Variants in TRIM54 observed in about 807,000 individuals in gnomAD.
The protein encoded by TRIM54 is tripartite motif-containing protein 54.
TRIM54 carries 40 observed loss-of-function variants against 42.0 expected under a neutral mutation model. That is an observed-to-expected ratio of 0.95 (90% CI 0.74 to 1.24). TRIM54 has a LOEUF of 1.24. TRIM54 is among the 50% of genes most tolerant of loss of function. TRIM54 has a pLI of 0.00. For synonymous variants in TRIM54, 199 were observed against 194.9 expected, an observed-to-expected ratio of 1.02 and a Z score of -0.17; for missense variants, 485 against 480.3, an observed-to-expected ratio of 1.01 and a Z score of -0.09.
intron 1 of TRIM54, 137 bp from the exon 2 acceptor site, chr2:27,298,430 T>A: frequency 1.5e-6 from 1 of 663,236 alleles, no homozygotes; most frequent in Non-Finnish European, 2.6e-6. Context: ...CAGAGGTGGA[T>A]CCAGCCACAG....
In TRIM54 at chr2:27,305,650, G is replaced by A; in HGVS notation, c.676G>A (p.Glu226Lys). Residue 226 changes from glutamate to lysine, a missense_variant, in exon 5 of 9, where the codon GAG becomes AAG. Glu to Lys is a moderately conservative substitution (Grantham distance 56). Coordinates refer to ENST00000380075, the MANE Select transcript of TRIM54 (RefSeq NM_187841.3). ...RFESLCAVLE[E>K]RKGELLQALA... ...TGAGAGCCTGTGCGCAGTGCTGGAG[G>A]AGCGCAAGGGTGAGCTGCTGCAGGC... 1 of 1,613,756 alleles carries A rather than the reference G, an allele frequency of 6.2e-7. No individual in the cohort carries two copies. The highest frequency in any genetic ancestry group is 8.5e-7 in the Non-Finnish European group (1 of 1,179,950).
At chr2:27,287,215 A>AT (rs1247940845) in intron 1 of TRIM54, among the ~76,000 whole-genome samples, 2 of 151,664 alleles carry the variant, frequency 1.3e-5, no homozygotes, top group Non-Finnish European at 2.9e-5. Context: ...TTCTTTCTTT[A>AT]TTTTTGAGAC....
intron 2 of TRIM54, 141 bp from the exon 3 acceptor site, chr2:27,299,104 C>T: frequency 1.1e-6 from 1 of 915,546 alleles, no homozygotes; most frequent in Non-Finnish European, 1.6e-6. Context: ...ATTCAGAGCT[C>T]TGTGGAAGTA....
At chr2:27,294,223 G>A (rs996657329) in intron 1 of TRIM54, among the ~76,000 whole-genome samples, 2 of 151,846 alleles carry the variant, frequency 1.3e-5, no homozygotes, top group African/African-American at 4.8e-5. Context: ...TGACTTCCTG[G>A]GCTCAAGTGA....
chr2:27,293,617 T>C (rs771634427), intron 1 of TRIM54, among the ~76,000 whole-genome samples: 1 of 152,232 alleles, frequency 6.6e-6, no homozygotes, highest in Non-Finnish European at 1.5e-5. Context: ...TTTGCTTAAA[T>C]AGCTTTAGTC....
At chr2:27,290,047 T>G (rs2148191142) in intron 1 of TRIM54, among the ~76,000 whole-genome samples, 1 of 151,676 alleles carries the variant, frequency 6.6e-6, no homozygotes, top group East Asian at 1.9e-4. Context: ...AATTTTTGTA[T>G]TTTTAGTAGA....
rs1028628929 is a variant in TRIM54 at position 27,306,910 on chromosome 2, C to T, written c.*25C>T. 3.1e-5 allele frequency: 10 copies of T among 322,630 alleles called. No homozygotes were observed. The highest frequency in any genetic ancestry group is 5.8e-5 in the Non-Finnish European group (10 of 173,808). The allele number at this position is 322,630 out of a possible 1,614,324, so 20.0% of individuals were successfully genotyped here. A position where few individuals can be genotyped will look rare whatever the true frequency, so the allele number is the denominator to read the frequency against. Reference sequence around the variant, plus strand: ...AGGCCTGCGCCGACCCGACCCTGCTCGAGAGCCCGCGCTAGAGTCGGGGAG... The same window carrying T: ...AGGCCTGCGCCGACCCGACCCTGCTTGAGAGCCCGCGCTAGAGTCGGGGAG... On this transcript the variant is annotated 3_prime_UTR_variant, in exon 9 of 9. Transcript: ENST00000380075. The surrounding 1 kb of genome is among the most constrained non-coding windows in gnomAD (Gnocchi z 6.1).
intron 1 of TRIM54, among the ~76,000 whole-genome samples, chr2:27,290,420 C>G (rs1297671480): frequency 6.6e-6 from 1 of 152,144 alleles, no homozygotes; most frequent in Non-Finnish European, 1.5e-5. Context: ...GTAATCCCAG[C>G]ACTATGGGAG....
At chr2:27,296,215 G>A (rs1347714699) in intron 1 of TRIM54, among the ~76,000 whole-genome samples, 1 of 152,210 alleles carries the variant, frequency 6.6e-6, no homozygotes, top group Non-Finnish European at 1.5e-5. Flanking sequence ...ATGATGGGGT[G>A]TTGCTGCACA....
At position 27,306,757 on chromosome 2, in the gene TRIM54, G is replaced by A; in HGVS notation, c.*2-130G>A. On this transcript the variant is annotated intron_variant, in intron 8 of 8. Transcript: ENST00000380075. The surrounding 1 kb of genome is among the most constrained non-coding windows in gnomAD (Gnocchi z 6.1). ...CCTCCTCACCCGCTGTTCCTCTGGG[G>A]TGCTGGGAGGGCAGGCAAGGCAGGC... 1.7e-6 allele frequency: 1 copy of A among 602,600 alleles called. No homozygotes were observed. The highest frequency in any genetic ancestry group is 2.1e-5 in the South Asian group (1 of 48,034). The allele number at this position is 602,600 out of a possible 1,614,324, so 37.3% of individuals were successfully genotyped here. A position where few individuals can be genotyped will look rare whatever the true frequency, so the allele number is the denominator to read the frequency against.
rs1679258252 is a variant in TRIM54, at chr2:27,307,422, A to C, written c.*537A>C. On this transcript the variant is annotated 3_prime_UTR_variant, in exon 9 of 9. Coordinates refer to ENST00000380075, the MANE Select transcript of TRIM54 (RefSeq NM_187841.3). The surrounding 1 kb of genome is among the most constrained non-coding windows in gnomAD (Gnocchi z 6.9). ...AACGGGTCTTCAGTACTTTTATTAAAAAATAGTCACGCAGACAGTGCCCTG... is the reference window on the plus strand; with the variant it reads ...AACGGGTCTTCAGTACTTTTATTAACAAATAGTCACGCAGACAGTGCCCTG... 2.0e-6 allele frequency: 3 copies of C among 1,537,152 alleles called. No homozygotes were observed. In the South Asian group the frequency reaches 3.6e-5, roughly 19 times the overall value.
rs763284454 is a variant in TRIM54, at chr2:27,304,981, C to A, written c.536C>A (p.Ala179Glu). The change falls in exon 4 of 9, where the codon GCG becomes GAG. Residue 179 changes from alanine (A) to glutamate (E), a missense_variant. Physicochemically the swap from Ala to Glu is moderately radical, Grantham distance 107. Coordinates refer to ENST00000380075, the MANE Select transcript of TRIM54 (RefSeq NM_187841.3). The part of the protein sequence containing the change: ...RQKSELSDGI[A>E]MLVAGNDRVQ... ...CAGAGTGAGCTCAGCGATGGCATCG[C>A]GATGCTGGTGGCAGGCAATGACCGC... 11 of 1,613,934 alleles carry A rather than the reference C, an allele frequency of 6.8e-6. No homozygotes were observed. Among genetic ancestry groups the A allele is most frequent in the African/African-American group, 5.3e-5 (4 of 74,904 alleles).
chr2:27,290,033 G>A (rs1292406623), intron 1 of TRIM54, among the ~76,000 whole-genome samples: 1 of 151,442 alleles, frequency 6.6e-6, no homozygotes. Flanking sequence ...TACCATGCCT[G>A]GCTAATTTTT....
intron 4 of TRIM54, 56 bp from the exon 5 acceptor site, chr2:27,305,517 ACCCTGTGCTTT>A: frequency 7.4e-7 from 1 of 1,354,166 alleles, no homozygotes; most frequent in East Asian, 2.4e-5. Context: ...CTCTGTGAGT[ACCCTGTGCTTT>A]CCCAGCCACC....
intron 3 of TRIM54, among the ~76,000 whole-genome samples, chr2:27,304,073 G>T (rs1018094391): frequency 6.6e-6 from 1 of 151,754 alleles, no homozygotes; most frequent in African/African-American, 2.4e-5. Flanking sequence ...TTAGCCGGAC[G>T]TGGTGTCATG....
At chr2:27,283,036 C>G (rs1572514038) in intron 1 of TRIM54, 137 bp downstream of exon 1, 1 of 1,000,758 alleles carries the variant, frequency 1.0e-6, no homozygotes, top group Non-Finnish European at 1.4e-6. Flanking sequence ...GGCTGGAGAG[C>G]AGAAGGGCTG....
intron 3 of TRIM54, 36 bp from the exon 4 acceptor site, chr2:27,304,923 G>A: frequency 6.2e-7 from 1 of 1,600,046 alleles, no homozygotes; most frequent in Non-Finnish European, 8.5e-7. Flanking sequence ...TCTAGGCCAG[G>A]TCCCAGCTCT....
chr2:27,299,686 A>ATCTG (rs1266177967), intron 3 of TRIM54: 1 of 606,108 alleles, frequency 1.6e-6, no homozygotes, highest in East Asian at 3.0e-5. Context: ...CTATCTATCT[A>ATCTG]TCTATCTATC....
Position 27,282,726 on chromosome 2 carries a change from G to C in TRIM54, c.-6G>C, listed in dbSNP as rs368385313. ...AGGGCCCAGGCCAGGCACGACCACC[G>C]AGGGGATGAACTTCACAGTGGGTTT... On this transcript the variant is annotated 5_prime_UTR_variant, in exon 1 of 9. Transcript: ENST00000380075. The C allele has an allele frequency of 6.2e-7, 1 of 1,609,784 alleles. No individual in the cohort carries two copies. Among genetic ancestry groups the C allele is most frequent in the East Asian group, 2.2e-5 (1 of 44,658 alleles).
Sources: gnomAD v4.1 joint callset for allele counts (sites outside exome capture counted in the v4.1 genomes callset) on GRCh38, gnomAD v4.1.1 for gene constraint, Gnocchi (gnomAD v3.1) non-coding constraint, MANE v1.5 for transcripts, NCBI Gene and HGNC (gene_info 2026-07-23, HGNC 2026-07-21) for gene names.